GAL3ST4: variants seen among roughly 807,000 people sequenced by gnomAD.
The protein encoded by GAL3ST4 is galactose-3-O-sulfotransferase 4, also known as beta-galactose-3-O-sulfotransferase 4.
Under a neutral mutation model 31.6 loss-of-function variants are expected in GAL3ST4, and 30 were observed. The ratio of observed to expected loss-of-function variants is 0.95; its 90% confidence interval spans 0.71 to 1.29. The LOEUF (loss-of-function observed/expected upper bound fraction) is 1.29. GAL3ST4 is among the 50% of genes most tolerant of loss of function. The pLI, the probability that GAL3ST4 is intolerant of heterozygous loss-of-function variation, is 0.00. For synonymous variants in GAL3ST4, 248 were observed against 256.9 expected, an observed-to-expected ratio of 0.97 and a Z score of 0.33; for missense variants, 629 against 625.2, an observed-to-expected ratio of 1.01 and a Z score of -0.06.
chr7:100,165,154 G>A (rs990427088), intron 3 of GAL3ST4, among the ~76,000 whole-genome samples: 25 of 151,512 alleles, frequency 1.7e-4, no homozygotes, highest in African/African-American at 4.9e-4. Context: ...GATTACAGGC[G>A]TGAGCCACTG....
Position 100,160,707 on chromosome 7 carries a change from T to TC in GAL3ST4, c.681dup (p.Asn228GlufsTer41). 1 of 1,613,832 alleles carries TC rather than the reference T, an allele frequency of 6.2e-7. No homozygotes were observed. Among genetic ancestry groups the TC allele is most frequent in the Non-Finnish European group, 8.5e-7 (1 of 1,179,882 alleles). On this transcript the variant is annotated frameshift_variant, in exon 4 of 4. Coordinates refer to ENST00000360039, the MANE Select transcript of GAL3ST4 (RefSeq NM_024637.5). LOFTEE classifies it low-confidence loss of function (END_TRUNC). The stretch of plus-strand genomic sequence containing the variant: ...TTGGGGTCTCTGGGGGGATGAATAT[T>TC]CCCTCTCTTGGCCCTCTTCTCTGGG...
In GAL3ST4 at chr7:100,159,794, C is replaced by T. The variant is rs1374764270; in HGVS notation, c.*134G>A. ...GAGGGAAGCACTGCTGGGAGCCCAG[C>T]GAAGAGGGGGCTTGCATCGGGACAA... On this transcript the variant is annotated 3_prime_UTR_variant, in exon 4 of 4. Coordinates refer to ENST00000360039, the MANE Select transcript of GAL3ST4 (RefSeq NM_024637.5). 2 of 732,716 alleles carry T rather than the reference C, an allele frequency of 2.7e-6. No homozygotes were observed. The highest frequency in any genetic ancestry group is 1.9e-5 in the South Asian group (1 of 52,778). The allele number at this position is 732,716 out of a possible 1,614,324, so 45.4% of individuals were successfully genotyped here. A position where few individuals can be genotyped will look rare whatever the true frequency, so the allele number is the denominator to read the frequency against.
chr7:100,162,544 CAAAAAAA>C (rs535834382), intron 3 of GAL3ST4, among the ~76,000 whole-genome samples: 1 of 71,644 alleles, frequency 1.4e-5, no homozygotes, highest in African/African-American at 5.1e-5. Context: ...GACTCTGTCT[CAAAAAAA>C]AAAAAAAAAG....
chr7:100,166,059 G>T (rs1157948090), intron 3 of GAL3ST4, among the ~76,000 whole-genome samples: 2 of 151,900 alleles, frequency 1.3e-5, no homozygotes, highest in African/African-American at 4.8e-5. Flanking sequence ...AGCTACTCAG[G>T]AGGCTGAGGT....
At chr7:100,161,016 A>C (rs1255963853) in intron 3 of GAL3ST4, 57 bp from the exon 4 acceptor site, 2 of 1,419,562 alleles carry the variant, frequency 1.4e-6, no homozygotes, top group African/African-American at 1.4e-5. Flanking sequence ...GGTATGCATA[A>C]GTATGCACAA....
rs768184712 is a variant in GAL3ST4, at chr7:100,160,897, C to T, written c.492G>A (p.Leu164=). 6.2e-7 allele frequency: 1 copy of T among 1,613,962 alleles called. No homozygotes were observed. Among genetic ancestry groups the T allele is most frequent in the South Asian group, 1.1e-5 (1 of 91,060 alleles). ...TATAGTAGGAGAAGGCAGAGCGAGC[C>T]AGAGCCGCTGGGTCTCGGACAATGG... ...FFSIVRDPAA[L]ARSAFSYYKS... Residue 164 remains leucine, a synonymous_variant, in exon 4 of 4, where the codon CTG becomes CTA. Transcript: ENST00000360039.
Sources: gnomAD v4.1 joint callset for allele counts (sites outside exome capture counted in the v4.1 genomes callset) on GRCh38, gnomAD v4.1.1 for gene constraint, MANE v1.5 for transcripts, NCBI Gene and HGNC (gene_info 2026-07-23, HGNC 2026-07-21) for gene names.